The following DNAJC1 variants were observed in gnomAD, a reference collection of about 807,000 sequenced individuals.
DNAJC1 encodes dnaJ homolog subfamily C member 1.
In DNAJC1, 58 loss-of-function variants were observed where a neutral mutation model predicts 76.6. The ratio of observed to expected loss-of-function variants is 0.76; its 90% CI spans 0.61 to 0.94. The LOEUF is 0.94. DNAJC1 is among the 40% of genes least tolerant of loss of function. The pLI is 0.00. For synonymous variants in DNAJC1, 258 were observed against 267.9 expected (o/e 0.96, Z 0.36); for missense variants, 689 against 677.3 (o/e 1.02, Z -0.19).
Position 21,900,819 on chromosome 10 carries a change from G to A in DNAJC1, c.820+3703C>T, listed in dbSNP as rs546913269. Among the ~76,000 whole-genome samples, 8 of 152,246 alleles carry A rather than the reference G, an allele frequency of 5.3e-5. No individual in the cohort carries two copies. In the East Asian group the frequency reaches 1.2e-3, roughly 22 times the overall value. ...TATCTCAGAGAGTATATTCCCATCC[G>A]TGAGCACCCTATGTTACCACAGGCA... On this transcript the variant is annotated intron_variant, in intron 7 of 11. Transcript: ENST00000376980.
At chr10:21,829,108 G>A (rs1302488615) in intron 8 of DNAJC1, among the ~76,000 whole-genome samples, 1 of 152,074 alleles carries the variant, frequency 6.6e-6, no homozygotes, top group African/African-American at 2.4e-5. Context: ...TTGGCTCACT[G>A]CAACCTCTGC....
intron 8 of DNAJC1, among the ~76,000 whole-genome samples, chr10:21,841,695 C>T (rs1319671098): frequency 2.6e-5 from 4 of 152,076 alleles, no homozygotes; most frequent in East Asian, 3.9e-4. Context: ...GTCAGTGTGG[C>T]GATTCCTCAG....
chr10:21,980,574 A>G (rs963579406), intron 1 of DNAJC1, among the ~76,000 whole-genome samples: 4 of 152,076 alleles, frequency 2.6e-5, no homozygotes, highest in Non-Finnish European at 5.9e-5. Flanking sequence ...AAAACAACTA[A>G]ATGTGTGATT....
At chr10:21,795,166 C>T (rs536815827) in intron 9 of DNAJC1, among the ~76,000 whole-genome samples, 4 of 151,924 alleles carry the variant, frequency 2.6e-5, no homozygotes, top group Admixed American at 6.6e-5. Context: ...CTAAATAAGA[C>T]GTAGGAATGG....
intron 7 of DNAJC1, among the ~76,000 whole-genome samples, chr10:21,890,421 CAAAA>C (rs1007952107): frequency 7.6e-5 from 4 of 52,672 alleles, no homozygotes; most frequent in Admixed American, 2.3e-4. Flanking sequence ...TCCCCCCCTA[CAAAA>C]AAAAAAAAAA....
At chr10:21,805,511 G>A (rs1052052914) in intron 9 of DNAJC1, among the ~76,000 whole-genome samples, 16 of 150,734 alleles carry the variant, frequency 1.1e-4, no homozygotes, top group African/African-American at 3.7e-4. Context: ...CAAACGAACT[G>A]TTGCTATCAT....
intron 6 of DNAJC1, among the ~76,000 whole-genome samples, chr10:21,913,906 T>C (rs1564825848): frequency 2.0e-5 from 3 of 152,350 alleles, no homozygotes; most frequent in South Asian, 2.1e-4. Flanking sequence ...GGGATCACTC[T>C]ACTTGCTTTG....
chr10:21,858,390 G>T (rs1043773351), intron 8 of DNAJC1, among the ~76,000 whole-genome samples: 10 of 152,130 alleles, frequency 6.6e-5, no homozygotes, highest in Non-Finnish European at 1.3e-4. Context: ...AATAATAAGT[G>T]CATTGATTTA....
intron 9 of DNAJC1, among the ~76,000 whole-genome samples, chr10:21,783,990 G>C (rs902138826): frequency 6.6e-6 from 1 of 152,176 alleles, no homozygotes; most frequent in African/African-American, 2.4e-5. Context: ...ACACAGGCAT[G>C]GGCAAGGACT....
chr10:21,853,229 T>C (rs1421005106), intron 8 of DNAJC1, among the ~76,000 whole-genome samples: 1 of 152,212 alleles, frequency 6.6e-6, no homozygotes, highest in Non-Finnish European at 1.5e-5. Flanking sequence ...TGGCCTGCTA[T>C]ATCTTATTTG....
At chr10:21,826,225 T>A (rs1211352782) in intron 8 of DNAJC1, among the ~76,000 whole-genome samples, 2 of 15,778 alleles carry the variant, frequency 1.3e-4, no homozygotes, top group Non-Finnish European at 2.2e-4. Context: ...GCAACAAGAA[T>A]GAGACTTTGT....
At chr10:21,989,202 G>A (rs1838294465) in intron 1 of DNAJC1, among the ~76,000 whole-genome samples, 1 of 151,988 alleles carries the variant, frequency 6.6e-6, no homozygotes, top group Non-Finnish European at 1.5e-5. Flanking sequence ...AAGGTTCTCA[G>A]ATAATAAGAA....
intron 8 of DNAJC1, among the ~76,000 whole-genome samples, chr10:21,844,416 T>C (rs936922455): frequency 1.3e-4 from 20 of 152,274 alleles, no homozygotes; most frequent in African/African-American, 3.4e-4. Context: ...CCAATCTTAC[T>C]GTCATTGGAC....
At chr10:21,836,804 A>T (rs1259799113) in intron 8 of DNAJC1, among the ~76,000 whole-genome samples, 1 of 152,226 alleles carries the variant, frequency 6.6e-6, no homozygotes, top group African/African-American at 2.4e-5. Flanking sequence ...TGCACCCGAT[A>T]CAGGAGCACC....
intron 8 of DNAJC1, among the ~76,000 whole-genome samples, chr10:21,838,774 C>T (rs991155724): frequency 2.6e-5 from 4 of 152,170 alleles, no homozygotes; most frequent in African/African-American, 7.2e-5. Context: ...CAGAACTCTC[C>T]ACCCCAAATC....
chr10:21,874,135 G>A (rs1226531805), intron 8 of DNAJC1, among the ~76,000 whole-genome samples: 1 of 152,166 alleles, frequency 6.6e-6, no homozygotes, highest in Non-Finnish European at 1.5e-5. Flanking sequence ...AGAAATGAAG[G>A]CCAGGCAAAG....
At chr10:21,821,333 A>T (rs1424721792) in intron 8 of DNAJC1, among the ~76,000 whole-genome samples, 1 of 152,206 alleles carries the variant, frequency 6.6e-6, no homozygotes, top group African/African-American at 2.4e-5. Context: ...AAAAAAATGC[A>T]ATATATACAG....
chr10:21,899,051 C>T (rs889663290), intron 7 of DNAJC1, among the ~76,000 whole-genome samples: 2 of 152,182 alleles, frequency 1.3e-5, no homozygotes, highest in African/African-American at 2.4e-5. Context: ...CTAAAGGAAC[C>T]CCCAACCCCA....
chr10:21,901,233 G>A (rs1276333140), intron 7 of DNAJC1, among the ~76,000 whole-genome samples: 1 of 152,066 alleles, frequency 6.6e-6, no homozygotes, highest in African/African-American at 2.4e-5. Flanking sequence ...AATCATAGAA[G>A]GTACAAAGAA....
Sources: gnomAD v4.1 joint callset for allele counts (sites outside exome capture counted in the v4.1 genomes callset) on GRCh38, gnomAD v4.1.1 for gene constraint, MANE v1.5 for transcripts, NCBI Gene and HGNC (gene_info 2026-07-23, HGNC 2026-07-21) for gene names.